The following ROR1 variants were observed in gnomAD, a reference collection of about 807,000 sequenced individuals.
ROR1 encodes the protein ROR family WNT receptor 1.
A neutral mutation model predicts 78.8 loss-of-function variants in ROR1; 19 were observed. The observed-to-expected ratio is 0.24, with a 90% CI of 0.17 to 0.35. The LOEUF (loss-of-function observed/expected upper bound fraction) is 0.35, where lower values mean the gene tolerates loss of function less well. Ranked by LOEUF, ROR1 falls within the 10% of genes least tolerant of loss-of-function variation. The pLI, the probability that ROR1 is intolerant of heterozygous loss-of-function variation, is 1.00. For synonymous variants in ROR1, 386 were observed against 433.6 expected, an observed-to-expected ratio of 0.89 and a Z score of 1.36; for missense variants, 917 against 1,177.8, an observed-to-expected ratio of 0.78 and a Z score of 3.24.
At chr1:63,860,562 T>TGC (rs1645173282) in intron 1 of ROR1, among the ~76,000 whole-genome samples, 1 of 126,548 alleles carries the variant, frequency 7.9e-6, no homozygotes, top group African/African-American at 3.1e-5. Context: ...CTACTAAAAA[T>TGC]ACACACACAC....
intron 8 of ROR1, among the ~76,000 whole-genome samples, chr1:64,176,761 C>G (rs147975519): frequency 1.4e-3 from 214 of 152,274 alleles, no homozygotes; most frequent in Non-Finnish European, 2.4e-3. Context: ...TCAGACCTTC[C>G]CATCTCTATT....
chr1:64,073,981 C>T (rs544507207), intron 4 of ROR1, among the ~76,000 whole-genome samples: 1 of 152,218 alleles, frequency 6.6e-6, no homozygotes, highest in African/African-American at 2.4e-5. Context: ...AACGGGGTTA[C>T]AGTCTGGTGC....
intron 1 of ROR1, among the ~76,000 whole-genome samples, chr1:63,932,881 T>C (rs1645765173): frequency 6.6e-6 from 1 of 152,094 alleles, no homozygotes; most frequent in Non-Finnish European, 1.5e-5. Context: ...AACTGGGTGG[T>C]AGAATGGCAG....
chr1:63,947,625 C>T (rs1557577230), intron 1 of ROR1, among the ~76,000 whole-genome samples: 3 of 152,068 alleles, frequency 2.0e-5, no homozygotes, highest in South Asian at 2.1e-4. Context: ...GTGGGGTGGC[C>T]GGCGGGAGGT....
chr1:64,123,618 C>T lies in ROR1; in HGVS notation c.483-13751C>T, dbSNP rs117091912. 2.6e-5 allele frequency among the ~76,000 whole-genome samples: 4 copies of T among 152,096 alleles called. No individual in the cohort carries two copies. In the East Asian group the frequency reaches 5.8e-4, roughly 22 times the overall value. ...CAAACAGTTCATGTAATAACTAGTA[C>T]AAAAGTTTTACAAAGGTGAACATAT... On this transcript the variant is annotated intron_variant, in intron 4 of 8. Transcript: ENST00000371079.
At chr1:64,158,848 T>A (rs951955646) in intron 7 of ROR1, 133 bp from the exon 8 acceptor site, 10 of 658,392 alleles carry the variant, frequency 1.5e-5, no homozygotes, top group Non-Finnish European at 2.6e-5. Context: ...AAGCAGTGGA[T>A]TCCTTTCTTC....
At chr1:63,898,019 G>A (rs1645453861) in intron 1 of ROR1, among the ~76,000 whole-genome samples, 1 of 152,170 alleles carries the variant, frequency 6.6e-6, no homozygotes, top group Non-Finnish European at 1.5e-5. Context: ...GGCCTTTTTG[G>A]CCGGAGCTCA....
At chr1:64,168,381 A>G (rs1029407099) in intron 8 of ROR1, among the ~76,000 whole-genome samples, 26 of 152,232 alleles carry the variant, frequency 1.7e-4, no homozygotes, top group African/African-American at 5.8e-4. Flanking sequence ...AATCATAGCC[A>G]TTATTAGGAT....
chr1:63,805,251 G>C (rs535469848), intron 1 of ROR1, among the ~76,000 whole-genome samples: 90 of 152,354 alleles, frequency 5.9e-4, no homozygotes, highest in South Asian at 1.9e-3. Flanking sequence ...CGAGGAGGGA[G>C]AGGGACAGGC....
chr1:63,926,128 T>C (rs1421867487), intron 1 of ROR1, among the ~76,000 whole-genome samples: 2 of 152,048 alleles, frequency 1.3e-5, no homozygotes, highest in African/African-American at 4.8e-5. Context: ...GGTTTTCTTC[T>C]AGGGTTTTTA....
intron 4 of ROR1, chr1:64,106,021 T>C (rs1248730429): frequency 6.6e-6 from 1 of 152,112 alleles, no homozygotes; most frequent in African/African-American, 2.4e-5. Flanking sequence ...TTGATGAGGA[T>C]AGCATTGAAT....
intron 7 of ROR1, 86 bp downstream of exon 7, chr1:64,142,736 G>A: frequency 3.2e-6 from 5 of 1,558,162 alleles, no homozygotes; most frequent in Non-Finnish European, 4.3e-6. Flanking sequence ...ATCCTATAAG[G>A]GGGGCAAAGA....
chr1:63,805,890 G>A (rs1644825422), intron 1 of ROR1, among the ~76,000 whole-genome samples: 1 of 152,174 alleles, frequency 6.6e-6, no homozygotes. Flanking sequence ...GCAGTGGAAT[G>A]CACCTGTAGT....
intron 2 of ROR1, among the ~76,000 whole-genome samples, chr1:64,038,266 G>A (rs758779178): frequency 6.4e-4 from 97 of 152,154 alleles, no homozygotes; most frequent in Admixed American, 2.6e-3. Context: ...CTCCACACTG[G>A]GTCTTGCCCA....
At position 63,811,963 on chromosome 1, in the gene ROR1, T is replaced by G. The variant is rs1363859059; in HGVS notation, c.91+37455T>G. ...TTCGGGAAATAAAACCAGAGGTGTTTTTTTTTTTTTTTTTTGAGACAGAGT... is the reference window on the plus strand; with the variant it reads ...TTCGGGAAATAAAACCAGAGGTGTTGTTTTTTTTTTTTTTTGAGACAGAGT... On this transcript the variant is annotated intron_variant, in intron 1 of 8. Coordinates refer to ENST00000371079, the MANE Select transcript of ROR1 (RefSeq NM_005012.4). Among the ~76,000 whole-genome samples, 10 of 149,136 alleles carry G rather than the reference T, an allele frequency of 6.7e-5. 1 individual carries two copies. In the South Asian group the frequency reaches 2.1e-3, roughly 32 times the overall value.
At chr1:63,782,545 T>G (rs904763378) in intron 1 of ROR1, among the ~76,000 whole-genome samples, 2 of 117,102 alleles carry the variant, frequency 1.7e-5, no homozygotes, top group Non-Finnish European at 3.3e-5. Context: ...GATTTTGAGG[T>G]TTTTTTTTTT....
At chr1:64,047,576 A>G (rs973965979) in intron 2 of ROR1, among the ~76,000 whole-genome samples, 1 of 152,316 alleles carries the variant, frequency 6.6e-6, no homozygotes, top group Middle Eastern at 3.4e-3. Context: ...TGTGATTGCT[A>G]TCTCTAAGTT....
At chr1:63,943,859 A>G (rs1326667727) in intron 1 of ROR1, among the ~76,000 whole-genome samples, 1 of 152,250 alleles carries the variant, frequency 6.6e-6, no homozygotes, top group Non-Finnish European at 1.5e-5. Context: ...GAAACCAATA[A>G]TACAGCTCAG....
chr1:64,145,972 C>A (rs1649461592), intron 7 of ROR1, among the ~76,000 whole-genome samples: 1 of 152,184 alleles, frequency 6.6e-6, no homozygotes, highest in Non-Finnish European at 1.5e-5. Context: ...TCTTGCTACT[C>A]TTCTGTGCTA....
Sources: gnomAD v4.1 joint callset for allele counts (sites outside exome capture counted in the v4.1 genomes callset) on GRCh38, gnomAD v4.1.1 for gene constraint, MANE v1.5 for transcripts, NCBI Gene and HGNC (gene_info 2026-07-23, HGNC 2026-07-21) for gene names.